The following SPAG17 variants were observed in gnomAD, a reference collection of about 807,000 sequenced individuals.
SPAG17 encodes sperm-associated antigen 17.
In SPAG17, 169 loss-of-function variants were observed where a neutral mutation model predicts 273.6. The observed-to-expected ratio is 0.62, with a 90% CI of 0.55 to 0.70. The LOEUF (loss-of-function observed/expected upper bound fraction) is 0.70, where lower values mean the gene tolerates loss of function less well. Among genes scored for constraint, SPAG17 ranks in the 30% least tolerant of loss-of-function variants. SPAG17 has a pLI of 0.00. For synonymous variants in SPAG17, 825 were observed against 873.2 expected (o/e 0.94, Z 0.97); for missense variants, 2,557 against 2,627.8 (o/e 0.97, Z 0.59).
intron 1 of SPAG17, among the ~76,000 whole-genome samples, chr1:118,166,580 T>G (rs1660180520): frequency 6.6e-6 from 1 of 152,084 alleles, no homozygotes; most frequent in Admixed American, 6.5e-5. Context: ...TTTGTCTAAT[T>G]TTTTTTTCTA....
chr1:117,995,735 C>CACAT (rs113958878), intron 34 of SPAG17, among the ~76,000 whole-genome samples: 3,964 of 149,606 alleles, frequency 0.026, 161 homozygotes, highest in East Asian at 0.18. Context: ...CACACACACA[C>CACAT]AAACCTAGGC....
chr1:118,149,472 G>A (rs752807461), intron 3 of SPAG17, among the ~76,000 whole-genome samples: 1 of 152,092 alleles, frequency 6.6e-6, no homozygotes, highest in Non-Finnish European at 1.5e-5. Flanking sequence ...TTAAATCCAC[G>A]TATCACATAA....
At chr1:118,015,117 T>C (rs1018146004) in intron 29 of SPAG17, among the ~76,000 whole-genome samples, 60 of 151,518 alleles carry the variant, frequency 4.0e-4, no homozygotes, top group African/African-American at 1.3e-3. Flanking sequence ...AAACCCTGTC[T>C]CTACTAAAAA....
intron 1 of SPAG17, 56 bp downstream of exon 1, chr1:118,185,015 G>A: frequency 6.8e-7 from 1 of 1,478,714 alleles, no homozygotes; most frequent in Non-Finnish European, 9.5e-7. Flanking sequence ...AGGAGGGTCT[G>A]GCCGGGCCTC....
rs768307088 is a variant in SPAG17, at chr1:118,036,761, T to G, written c.3433+9A>C. 1 of 1,541,642 alleles carries G rather than the reference T, an allele frequency of 6.5e-7. No individual in the cohort carries two copies. ...GGCACACTTATCCTTGCTGTTGTGT[T>G]CATTTCACCTGGTGCCATTCCATTT... On this transcript the variant is annotated intron_variant, in intron 24 of 48. Coordinates refer to ENST00000336338, the MANE Select transcript of SPAG17 (RefSeq NM_206996.4).
At chr1:118,158,204 A>T (rs142548614) in intron 1 of SPAG17, among the ~76,000 whole-genome samples, 47 of 152,352 alleles carry the variant, frequency 3.1e-4, no homozygotes, top group African/African-American at 1.0e-3. Flanking sequence ...AGAGAATGTG[A>T]GTGTGGCAGG....
chr1:118,152,392 G>GCATCAT (rs1445456781), intron 1 of SPAG17, among the ~76,000 whole-genome samples: 6 of 152,132 alleles, frequency 3.9e-5, no homozygotes, highest in African/African-American at 1.2e-4. Context: ...TTAATAAAAT[G>GCATCAT]CATCATTTTA....
chr1:117,991,621 T>C, intron 36 of SPAG17, 93 bp from the exon 37 acceptor site: 1 of 744,230 alleles, frequency 1.3e-6, no homozygotes, highest in Non-Finnish European at 2.2e-6. Context: ...TTACAAAAAA[T>C]GAAGAATATA....
intron 1 of SPAG17, among the ~76,000 whole-genome samples, chr1:118,165,068 C>T (rs1268097129): frequency 6.6e-6 from 1 of 152,202 alleles, no homozygotes; most frequent in African/African-American, 2.4e-5. Flanking sequence ...ACAGTGTCCT[C>T]TGCCTGCCTA....
At chr1:117,957,051 T>G (rs1652306030) in intron 48 of SPAG17, 2 of 1,547,658 alleles carry the variant, frequency 1.3e-6, no homozygotes, top group Admixed American at 4.2e-5. Context: ...TTTTTATATT[T>G]ATTTTTTCTT....
intron 17 of SPAG17, among the ~76,000 whole-genome samples, chr1:118,073,408 G>A (rs1476333655): frequency 6.6e-6 from 1 of 152,170 alleles, no homozygotes; most frequent in African/African-American, 2.4e-5. Context: ...CCTGGCACAT[G>A]GTAAGTGCTC....
chr1:118,115,062 G>A (rs915723969), intron 4 of SPAG17, among the ~76,000 whole-genome samples: 1 of 152,074 alleles, frequency 6.6e-6, no homozygotes, highest in African/African-American at 2.4e-5. Context: ...TACTGCCATA[G>A]AAACAATCCT....
In SPAG17 at chr1:117,967,296, CAAAAAAAAAAAAAA is replaced by C. The variant is rs5777330; in HGVS notation, c.6388-557_6388-544del. On this transcript the variant is annotated intron_variant, in intron 46 of 48. Transcript: ENST00000336338. ...CTGGTGACAGGGCAAAACTCCATCT[CAAAAAAAAAAAAAA>C]AAAAAAAAATTCATCTAACAGACTT... is the stretch of plus-strand genomic sequence containing the variant. Among the ~76,000 whole-genome samples the C allele has an allele frequency of 4.9e-4, 42 of 86,068 alleles. 1 individual carries two copies. In the Admixed American group the frequency reaches 5.0e-3, roughly 10 times the overall value. 56.5% of individuals were successfully genotyped at this position (86,068 alleles called of 152,430 possible).
intron 43 of SPAG17, among the ~76,000 whole-genome samples, chr1:117,978,649 TTCTA>T (rs1247547509): frequency 1.3e-5 from 2 of 152,188 alleles, no homozygotes; most frequent in Non-Finnish European, 2.9e-5. Flanking sequence ...GCTGCCACTA[TTCTA>T]TCTATTACCC....
intron 43 of SPAG17, among the ~76,000 whole-genome samples, chr1:117,977,517 T>G (rs1655273254): frequency 6.6e-6 from 1 of 152,188 alleles, no homozygotes; most frequent in South Asian, 2.1e-4. Context: ...TTGTTGTAGG[T>G]GATTCACCTC....
intron 3 of SPAG17, among the ~76,000 whole-genome samples, chr1:118,127,570 A>G (rs1276896270): frequency 6.6e-6 from 1 of 152,208 alleles, no homozygotes; most frequent in East Asian, 1.9e-4. Context: ...CCTGCCTCCA[A>G]CAGTGGGGGT....
chr1:118,030,535 T>C (rs577731325), intron 25 of SPAG17, among the ~76,000 whole-genome samples: 1 of 152,190 alleles, frequency 6.6e-6, no homozygotes, highest in Non-Finnish European at 1.5e-5. Flanking sequence ...CAAGCCGACA[T>C]CTATGTTTTA....
At chr1:117,954,513 C>G (rs1055301870) in intron 48 of SPAG17, 2 of 1,435,856 alleles carry the variant, frequency 1.4e-6, no homozygotes, top group African/African-American at 2.9e-5. Flanking sequence ...AGTTACCACT[C>G]TGTCTATAAC....
At chr1:118,157,696 G>A (rs1353594563) in intron 1 of SPAG17, among the ~76,000 whole-genome samples, 1 of 152,172 alleles carries the variant, frequency 6.6e-6, no homozygotes, top group Non-Finnish European at 1.5e-5. Context: ...GCCCAGATTC[G>A]AATCTCAGTA....
Sources: allele counts gnomAD v4.1 joint callset (sites outside exome capture counted in the v4.1 genomes callset), GRCh38; gene constraint gnomAD v4.1.1; transcripts MANE v1.5; gene names NCBI Gene and HGNC (gene_info 2026-07-23, HGNC 2026-07-21).